Variants in DGKB observed in about 807,000 individuals in gnomAD.
DGKB encodes 90 kDa diacylglycerol kinase.
Under a neutral mutation model 114.3 loss-of-function variants are expected in DGKB, and 67 were observed. The observed-to-expected ratio is 0.59, with a 90% CI of 0.48 to 0.72. The LOEUF is 0.72. Ranked by LOEUF, DGKB falls within the 30% of genes least tolerant of loss-of-function variation. DGKB has a pLI of 0.00. For synonymous variants in DGKB, 398 were observed against 323.1 expected (o/e 1.23, Z -2.49); for missense variants, 907 against 975.2 (o/e 0.93, Z 0.93).
intron 20 of DGKB, among the ~76,000 whole-genome samples, chr7:14,524,967 A>C (rs1414936307): frequency 6.8e-6 from 1 of 147,558 alleles, no homozygotes; most frequent in African/African-American, 2.6e-5. Flanking sequence ...ATATATAAAA[A>C]CTTGGGGTGG....
intron 23 of DGKB, among the ~76,000 whole-genome samples, chr7:14,179,422 CTA>C (rs1336140959): frequency 1.3e-5 from 2 of 152,038 alleles, no homozygotes; most frequent in African/African-American, 2.4e-5. Context: ...AGCAGAAAAA[CTA>C]GAGGAGTGGA....
At chr7:14,614,444 A>G (rs1465559513) in intron 15 of DGKB, among the ~76,000 whole-genome samples, 1 of 147,730 alleles carries the variant, frequency 6.8e-6, no homozygotes, top group Non-Finnish European at 1.5e-5. Flanking sequence ...CTAAATACTA[A>G]GTTGAACAGT....
rs532194280 is a variant in DGKB at position 14,704,217 on chromosome 7, C to T, written c.467-2487G>A. The stretch of plus-strand genomic sequence containing the variant: ...TTGGGAAGCCGAGGCAGGTGGATCA[C>T]GAGGTCAGGAGATCGAGACCATCCT... On this transcript the variant is annotated intron_variant, in intron 6 of 25. Coordinates refer to ENST00000402815, the MANE Select transcript of DGKB (RefSeq NM_001350709.2). Among the ~76,000 whole-genome samples the T allele has an allele frequency of 7.3e-5, 11 of 149,952 alleles. No homozygotes were observed. The South Asian group carries it at 1.1e-3, about 14-fold the overall frequency.
intron 23 of DGKB, among the ~76,000 whole-genome samples, chr7:14,317,494 G>T (rs1326098238): frequency 2.6e-5 from 4 of 151,856 alleles, no homozygotes; most frequent in African/African-American, 9.7e-5. Context: ...ACCAACCACA[G>T]ACAAACAGAG....
chr7:14,836,534 G>C (rs192698835), intron 2 of DGKB, among the ~76,000 whole-genome samples: 1 of 152,262 alleles, frequency 6.6e-6, no homozygotes, highest in African/African-American at 2.4e-5. Flanking sequence ...TTAACCCTTT[G>C]CTGTGACGTG....
intron 5 of DGKB, among the ~76,000 whole-genome samples, chr7:14,721,374 T>G (rs994230617): frequency 1.3e-5 from 2 of 152,210 alleles, no homozygotes; most frequent in African/African-American, 4.8e-5. Context: ...ACACATATAA[T>G]TTGTATTTAG....
intron 20 of DGKB, among the ~76,000 whole-genome samples, chr7:14,486,851 A>C (rs1026656972): frequency 6.6e-6 from 1 of 152,230 alleles, no homozygotes; most frequent in African/African-American, 2.4e-5. Context: ...TGACCACCGG[A>C]GTATCAGTAT....
intron 1 of DGKB, among the ~76,000 whole-genome samples, chr7:14,927,478 T>C (rs1460259885): frequency 6.6e-6 from 1 of 150,588 alleles, no homozygotes; most frequent in African/African-American, 2.4e-5. Flanking sequence ...GTAGGTTTTG[T>C]TTTGCTTTGC....
intron 17 of DGKB, among the ~76,000 whole-genome samples, chr7:14,589,614 A>G (rs563531616): frequency 3.9e-5 from 6 of 152,062 alleles, no homozygotes; most frequent in East Asian, 1.9e-4. Context: ...AATTTTTACT[A>G]TATAAAAATA....
intron 21 of DGKB, among the ~76,000 whole-genome samples, chr7:14,422,518 G>A (rs754937589): frequency 6.6e-6 from 1 of 151,992 alleles, no homozygotes; most frequent in African/African-American, 2.4e-5. Context: ...CTCACATACC[G>A]CAGCAGAGGA....
intron 23 of DGKB, among the ~76,000 whole-genome samples, chr7:14,282,455 C>A (rs1440100525): frequency 6.6e-6 from 1 of 150,376 alleles, no homozygotes; most frequent in African/African-American, 2.5e-5. Flanking sequence ...TGGTACCATT[C>A]CTTCTGAAAC....
intron 5 of DGKB, among the ~76,000 whole-genome samples, chr7:14,729,291 T>G (rs1830542081): frequency 7.6e-6 from 1 of 131,336 alleles, no homozygotes; most frequent in Non-Finnish European, 1.8e-5. Context: ...TCCGGCTAAT[T>G]TTTTGTATTT....
chr7:14,458,899 G>C (rs1224528131), intron 21 of DGKB, among the ~76,000 whole-genome samples: 4 of 152,158 alleles, frequency 2.6e-5, no homozygotes, highest in Admixed American at 1.3e-4. Context: ...GAGCCAAGTG[G>C]TTTAGCTCAG....
rs968326818 is a variant in DGKB at position 14,621,392 on chromosome 7, C to T, written c.1270G>A (p.Gly424Arg). The T allele has an allele frequency of 1.2e-6, 2 of 1,607,054 alleles. No homozygotes were observed. Among genetic ancestry groups the T allele is most frequent in the Non-Finnish European group, 1.7e-6 (2 of 1,175,008 alleles). ...AAAAATCATACCTGCAGGCCTTGTC[C>T]ATCTACAGTAACAGAGTTGGCTCTT... is the stretch of plus-strand genomic sequence containing the variant. Reference protein sequence around the residue: ...MQRANSVTVDGQGLQVTPVPG... With the variant: ...MQRANSVTVDRQGLQVTPVPG... Residue 424 changes from glycine (G) to arginine (R), a missense_variant, in exon 15 of 26, where the codon GGA becomes AGA. By Grantham distance (125) the Gly-to-Arg change is moderately radical. This residue lies in a region of DGKB where 814 missense variants were observed against 856.6 expected (regional missense o/e 0.95). Coordinates refer to ENST00000402815, the MANE Select transcript of DGKB (RefSeq NM_001350709.2).
chr7:14,406,378 G>A (rs1445695529), intron 21 of DGKB, among the ~76,000 whole-genome samples: 1 of 152,022 alleles, frequency 6.6e-6, no homozygotes, highest in Non-Finnish European at 1.5e-5. Context: ...ATCCCACTAT[G>A]CAGGGAAAGA....
intron 21 of DGKB, among the ~76,000 whole-genome samples, chr7:14,431,988 A>G (rs978305521): frequency 1.3e-5 from 2 of 152,144 alleles, no homozygotes; most frequent in Non-Finnish European, 2.9e-5. Context: ...GCTGTGAAAG[A>G]CTATGCCAGG....
intron 2 of DGKB, among the ~76,000 whole-genome samples, chr7:14,772,216 G>A (rs527265650): frequency 2.1e-4 from 32 of 152,194 alleles, no homozygotes; most frequent in African/African-American, 7.2e-4. Flanking sequence ...CAAGGGCCAT[G>A]GTCATTCATA....
chr7:14,451,796 A>T (rs760819050), intron 21 of DGKB, among the ~76,000 whole-genome samples: 14 of 152,066 alleles, frequency 9.2e-5, no homozygotes, highest in Non-Finnish European at 1.0e-4. Context: ...AATGAACAAG[A>T]TCAGCTATTT....
At chr7:14,782,492 A>G (rs1218544967) in intron 2 of DGKB, among the ~76,000 whole-genome samples, 1 of 152,140 alleles carries the variant, frequency 6.6e-6, no homozygotes, top group Non-Finnish European at 1.5e-5. Flanking sequence ...TTCAGTGCCT[A>G]CTCTGTCCTT....
Sources: allele counts gnomAD v4.1 joint callset (sites outside exome capture counted in the v4.1 genomes callset), GRCh38; gene constraint gnomAD v4.1.1; regional missense constraint gnomAD v4.1.1; transcripts MANE v1.5; gene names NCBI Gene and HGNC (gene_info 2026-07-23, HGNC 2026-07-21).